The following PCDHGB7 variants were observed in gnomAD, a reference collection of about 807,000 sequenced individuals.
PCDHGB7 encodes protocadherin gamma-B7.
Under a neutral mutation model 61.4 loss-of-function variants are expected in PCDHGB7, and 37 were observed. That is an observed-to-expected ratio of 0.60 (90% CI 0.46 to 0.79). The LOEUF (loss-of-function observed/expected upper bound fraction) is 0.79. Among genes scored for constraint, PCDHGB7 ranks in the 30% least tolerant of loss-of-function variants. PCDHGB7 has a pLI of 0.00. For missense variants in PCDHGB7, 1,166 were observed against 1,202.5 expected (o/e 0.97, Z 0.45); for synonymous variants, 464 against 503.5 (o/e 0.92, Z 1.05).
At chr5:141,498,967 GGGAGGGAA>G (rs1395523211) in intron 2 of PCDHGB7, among the ~76,000 whole-genome samples, 34 of 129,670 alleles carry the variant, frequency 2.6e-4, no homozygotes, top group Admixed American at 1.5e-3. Flanking sequence ...GAGGGAGGGA[GGGAGGGAA>G]GGAAGGAAGG....
rs776348214 is a variant in PCDHGB7 at position 141,487,781 on chromosome 5, G to A, written c.2416-7026G>A. 108 of 1,526,850 alleles carry A rather than the reference G, an allele frequency of 7.1e-5. No individual in the cohort carries two copies. Among genetic ancestry groups the A allele is most frequent in the East Asian group, 3.7e-4 (15 of 40,622 alleles). 94.6% of individuals were successfully genotyped at this position (1,526,850 alleles called of 1,614,324 possible). On this transcript the variant is annotated intron_variant, in intron 1 of 3. Coordinates refer to ENST00000398594, the MANE Select transcript of PCDHGB7 (RefSeq NM_018927.4). This position sits in a 1 kb window ranked among gnomAD's most constrained non-coding sequence, Gnocchi z 5.0. ...AGACGCTGTGCTTTGTAACTGTTTC[G>A]TGAATTAACCAGAGTTGTCACAGTT... is the stretch of plus-strand genomic sequence containing the variant.
At chr5:141,442,202 G>A (rs1033563159) in intron 1 of PCDHGB7, 2 of 153,258 alleles carry the variant, frequency 1.3e-5, no homozygotes, top group African/African-American at 4.8e-5. Context: ...TTTATATCTG[G>A]TGATTGCCTT....
At chr5:141,438,159 T>TA (rs974013542) in intron 1 of PCDHGB7, among the ~76,000 whole-genome samples, 44 of 152,258 alleles carry the variant, frequency 2.9e-4, no homozygotes, top group African/African-American at 9.9e-4. Context: ...ATGGCAAAGC[T>TA]AATTGGAAAA....
chr5:141,436,337 A>G (rs1450981655), intron 1 of PCDHGB7, among the ~76,000 whole-genome samples: 1 of 152,178 alleles, frequency 6.6e-6, no homozygotes, highest in Non-Finnish European at 1.5e-5. Flanking sequence ...CATATCTCAA[A>G]TATCAGTGAC....
chr5:141,425,843 G>A (rs2096898027), intron 1 of PCDHGB7, among the ~76,000 whole-genome samples: 1 of 152,118 alleles, frequency 6.6e-6, no homozygotes, highest in African/African-American at 2.4e-5. Flanking sequence ...TCTCTTTGCT[G>A]GGTTAATGAC....
Position 141,486,812 on chromosome 5 carries a change from A to G in PCDHGB7, c.2416-7995A>G, listed in dbSNP as rs781747283. 6.2e-7 allele frequency: 1 copy of G among 1,614,226 alleles called. No individual in the cohort carries two copies. The highest frequency in any genetic ancestry group is 8.5e-7 in the Non-Finnish European group (1 of 1,180,046). ...GGATCGGGGCAACCCACCCCTTAGC[A>G]GCACTGTAACAGTTCGTCTATTTGT... On this transcript the variant is annotated intron_variant, in intron 1 of 3. Transcript: ENST00000398594. This position sits in a 1 kb window ranked among gnomAD's most constrained non-coding sequence, Gnocchi z 5.0.
chr5:141,469,553 G>A (rs989713451), intron 1 of PCDHGB7, among the ~76,000 whole-genome samples: 2 of 152,086 alleles, frequency 1.3e-5, no homozygotes, highest in African/African-American at 2.4e-5. Flanking sequence ...CCAGCCTGGC[G>A]ACAGAGTGAG....
In PCDHGB7 at chr5:141,491,807, G is replaced by A; in HGVS notation, c.2416-3000G>A. On this transcript the variant is annotated intron_variant, in intron 1 of 3. Transcript: ENST00000398594. The surrounding 1 kb of genome is among the most constrained non-coding windows in gnomAD (Gnocchi z 6.9). ...CATCCACTCCTCTCCGGCCGGCTTG[G>A]TCGCTGGCTGCGCTCCACCCGATTC... is the stretch of plus-strand genomic sequence containing the variant. 1 of 1,491,112 alleles carries A rather than the reference G, an allele frequency of 6.7e-7. No homozygotes were observed. The highest frequency in any genetic ancestry group is 1.4e-5 in the South Asian group (1 of 73,752). The allele number at this position is 1,491,112 out of a possible 1,614,324, so 92.4% of individuals were successfully genotyped here. A position where few individuals can be genotyped will look rare whatever the true frequency, so the allele number is the denominator to read the frequency against.
chr5:141,462,682 G>T (rs560423384), intron 1 of PCDHGB7, among the ~76,000 whole-genome samples: 2 of 151,790 alleles, frequency 1.3e-5, no homozygotes, highest in Non-Finnish European at 2.9e-5. Context: ...TTAAATTTTT[G>T]AGCACATTTA....
chr5:141,491,602 A>T lies in PCDHGB7; in HGVS notation c.2416-3205A>T. On this transcript the variant is annotated intron_variant, in intron 1 of 3. Transcript: ENST00000398594. The surrounding 1 kb of genome is among the most constrained non-coding windows in gnomAD (Gnocchi z 6.9). ...ACCGGCCTCGGACGGCAGTGACTTC[A>T]CTTTTCTAAGACCCCTCAGCGTTCA... is the stretch of plus-strand genomic sequence containing the variant. The T allele has an allele frequency of 6.2e-7, 1 of 1,613,838 alleles. No individual in the cohort carries two copies. Among genetic ancestry groups the T allele is most frequent in the Non-Finnish European group, 8.5e-7 (1 of 1,180,016 alleles).
chr5:141,500,434 C>T (rs1216731905), intron 2 of PCDHGB7, among the ~76,000 whole-genome samples: 1 of 152,014 alleles, frequency 6.6e-6, no homozygotes, highest in Non-Finnish European at 1.5e-5. Flanking sequence ...TGGTCTCGAT[C>T]TCCTGACCTC....
At chr5:141,434,364 A>G (rs1023051594) in intron 1 of PCDHGB7, among the ~76,000 whole-genome samples, 1 of 152,208 alleles carries the variant, frequency 6.6e-6, no homozygotes, top group Non-Finnish European at 1.5e-5. Context: ...AAATCTGGCC[A>G]TAAACTGGCC....
At chr5:141,478,884 C>A in intron 1 of PCDHGB7, 1 of 1,194,298 alleles carries the variant, frequency 8.4e-7, no homozygotes, top group Non-Finnish European at 1.1e-6. Flanking sequence ...AGCTTGGTAT[C>A]ATTTACATTA....
chr5:141,432,369 A>G lies in PCDHGB7; in HGVS notation c.2415+12095A>G. 6.2e-7 allele frequency: 1 copy of G among 1,614,222 alleles called. No homozygotes were observed. The highest frequency in any genetic ancestry group is 1.1e-5 in the South Asian group (1 of 91,084). ...CAAGTGAAAGTGATGGCGCGGGACA[A>G]CGGGCACCCGCCCCTCAGCAGCAAC... On this transcript the variant is annotated intron_variant, in intron 1 of 3. Coordinates refer to ENST00000398594, the MANE Select transcript of PCDHGB7 (RefSeq NM_018927.4). The surrounding 1 kb of genome is among the most constrained non-coding windows in gnomAD (Gnocchi z 6.0).
rs1368632691 is a variant in PCDHGB7 at position 141,485,071 on chromosome 5, C to A, written c.2416-9736C>A. ...GCCGGCCGAACCGCGCCAGAGCTGG[C>A]GCGGGGAAAGGGAGATAGGTGTCTC... On this transcript the variant is annotated intron_variant, in intron 1 of 3. Coordinates refer to ENST00000398594, the MANE Select transcript of PCDHGB7 (RefSeq NM_018927.4). This position sits in a 1 kb window ranked among gnomAD's most constrained non-coding sequence, Gnocchi z 5.7. 3.3e-6 allele frequency: 3 copies of A among 913,030 alleles called. No individual in the cohort carries two copies. Among genetic ancestry groups the A allele is most frequent in the Non-Finnish European group, 5.1e-6 (3 of 584,604 alleles). 56.6% of individuals were successfully genotyped at this position (913,030 alleles called of 1,614,324 possible).
In PCDHGB7 at chr5:141,419,275, G is replaced by T. The variant is rs777238100; in HGVS notation, c.1416G>T (p.Ala472=). 35 of 1,613,856 alleles carry T rather than the reference G, an allele frequency of 2.2e-5. No homozygotes were observed. Among genetic ancestry groups the T allele is most frequent in the Non-Finnish European group, 2.9e-5 (34 of 1,179,888 alleles). ...PENNQPGASI[A]QVSASDPDFG... ...ACAACCAGCCGGGTGCCTCCATAGC[G>T]CAAGTCAGTGCCTCTGACCCAGACT... is the stretch of plus-strand genomic sequence containing the variant. Residue 472 remains alanine, a synonymous_variant, in exon 1 of 4, where the codon GCG becomes GCT. Transcript: ENST00000398594.
Position 141,431,682 on chromosome 5 carries a change from A to C in PCDHGB7, c.2415+11408A>C. The C allele has an allele frequency of 1.2e-6, 2 of 1,614,232 alleles. No homozygotes were observed. Among genetic ancestry groups the C allele is most frequent in the Non-Finnish European group, 1.7e-6 (2 of 1,180,042 alleles). ...ACAATATCAACAATAGGGGAGTTGG[A>C]CCACGAGGAGTCAGGATTCTACCAG... On this transcript the variant is annotated intron_variant, in intron 1 of 3. Transcript: ENST00000398594. The surrounding 1 kb of genome is among the most constrained non-coding windows in gnomAD (Gnocchi z 4.8).
intron 2 of PCDHGB7, 58 bp downstream of exon 2, chr5:141,494,923 G>T: frequency 6.2e-7 from 1 of 1,613,698 alleles, no homozygotes; most frequent in Non-Finnish European, 8.5e-7. Context: ...CAGGGATGAC[G>T]TGGGAGGAGA....
intron 1 of PCDHGB7, chr5:141,423,265 G>T: frequency 6.2e-7 from 1 of 1,613,666 alleles, no homozygotes; most frequent in Non-Finnish European, 8.5e-7. Flanking sequence ...CGGCAGCCTC[G>T]AGTCTCTGGC....
Sources: gnomAD v4.1 joint callset for allele counts (sites outside exome capture counted in the v4.1 genomes callset) on GRCh38, gnomAD v4.1.1 for gene constraint, Gnocchi (gnomAD v3.1) non-coding constraint, MANE v1.5 for transcripts, NCBI Gene and HGNC (gene_info 2026-07-23, HGNC 2026-07-21) for gene names.